GHITM: variants seen among roughly 807,000 people sequenced by gnomAD.
GHITM encodes growth hormone inducible transmembrane protein.
GHITM carries 24 observed loss-of-function variants against 38.7 expected under a neutral mutation model. That is an observed-to-expected ratio of 0.62 (90% CI 0.45 to 0.87). The LOEUF (loss-of-function observed/expected upper bound fraction) is 0.87, where lower values mean the gene tolerates loss of function less well. Among genes scored for constraint, GHITM ranks in the 40% least tolerant of loss-of-function variants. GHITM has a pLI of 0.00. For synonymous variants in GHITM, 154 were observed against 147.8 expected (o/e 1.04, Z -0.30); for missense variants, 420 against 429.8 (o/e 0.98, Z 0.20).
At chr10:84,145,867 G>C (rs1841552023) in intron 5 of GHITM, among the ~76,000 whole-genome samples, 1 of 152,132 alleles carries the variant, frequency 6.6e-6, no homozygotes, top group African/African-American at 2.4e-5. Flanking sequence ...TTTCATCAGG[G>C]TTGTTGAAGG....
chr10:84,140,792 C>A (rs1841498536), intron 1 of GHITM, among the ~76,000 whole-genome samples: 1 of 151,900 alleles, frequency 6.6e-6, no homozygotes, highest in South Asian at 2.1e-4. Context: ...TCGAGGGAGT[C>A]TAATGTAAGG....
intron 1 of GHITM, 22 bp from the exon 2 acceptor site, chr10:84,141,440 T>C: frequency 6.4e-7 from 1 of 1,559,996 alleles, no homozygotes; most frequent in East Asian, 2.3e-5. Flanking sequence ...TTTTGGTTGG[T>C]TTTGCCTTTT....
intron 3 of GHITM, 108 bp from the exon 4 acceptor site, chr10:84,143,887 T>G (rs757299840): frequency 2.4e-6 from 2 of 824,236 alleles, no homozygotes; most frequent in East Asian, 2.4e-5. Flanking sequence ...ATGCACTGAT[T>G]ATGGCTTCTA....
chr10:84,148,589 C>G lies in GHITM; in HGVS notation c.484-141C>G, dbSNP rs529688694. ...GGGATTGCAGGCGTGAGCCACCACG[C>G]CTGGCCTTAAGCTTTGATTTATTAT... On this transcript the variant is annotated intron_variant, in intron 5 of 8. Transcript: ENST00000372134. The G allele has an allele frequency of 8.2e-6, 5 of 606,254 alleles. No homozygotes were observed. In the South Asian group the frequency reaches 9.3e-5, roughly 11 times the overall value. 37.6% of individuals were successfully genotyped at this position (606,254 alleles called of 1,614,324 possible). A position where few individuals can be genotyped will look rare whatever the true frequency, so the allele number is the denominator to read the frequency against.
rs767632396 is a variant in GHITM, at chr10:84,144,863, T to C, written c.342-12T>C. On this transcript the variant is annotated splice_polypyrimidine_tract_variant and intron_variant, in intron 4 of 8. Transcript: ENST00000372134. ...GTAATTTCATAGATTAATCATGTCA[T>C]GTTTCTTACAGAATTTGGCCTCAGT... is the stretch of plus-strand genomic sequence containing the variant. The C allele has an allele frequency of 1.9e-6, 3 of 1,549,678 alleles. No homozygotes were observed. The highest frequency in any genetic ancestry group is 1.4e-5 in the African/African-American group (1 of 73,010).
At chr10:84,142,068 T>A (rs1841512275) in intron 2 of GHITM, among the ~76,000 whole-genome samples, 1 of 152,232 alleles carries the variant, frequency 6.6e-6, no homozygotes, top group Non-Finnish European at 1.5e-5. Context: ...TATAATAGAT[T>A]TATCTTCTGG....
At position 84,151,688 on chromosome 10, in the gene GHITM, GT is replaced by G. The variant is rs550744489; in HGVS notation, c.954-569del. Among the ~76,000 whole-genome samples the G allele has an allele frequency of 2.2e-3, 331 of 151,948 alleles. 1 individual carries two copies. Among genetic ancestry groups the G allele is most frequent in the African/African-American group, 4.0e-3 (164 of 41,464 alleles). On this transcript the variant is annotated intron_variant, in intron 8 of 8. Coordinates refer to ENST00000372134, the MANE Select transcript of GHITM (RefSeq NM_014394.3). ...TTTAGTTGGTATTAATTGTTATTAT[GT>G]TTTTTTCTTTTTTCTTGGAGTCGAC...
chr10:84,152,037 A>G (rs1353533277), intron 8 of GHITM, among the ~76,000 whole-genome samples: 1 of 152,212 alleles, frequency 6.6e-6, no homozygotes, highest in East Asian at 1.9e-4. Context: ...GAATAAAATA[A>G]TGATTTTTTT....
chr10:84,152,423 T>A lies in GHITM; in HGVS notation c.*75T>A. 5 of 739,176 alleles carry A rather than the reference T, an allele frequency of 6.8e-6. No homozygotes were observed. The highest frequency in any genetic ancestry group is 1.1e-5 in the Non-Finnish European group (5 of 435,648). 45.8% of individuals were successfully genotyped at this position (739,176 alleles called of 1,614,324 possible). A position where few individuals can be genotyped will look rare whatever the true frequency, so the allele number is the denominator to read the frequency against. ...GGGCAGATATGCATTAAATAGTTTGTACAAGCAGCTTTCGTTGAAGTTTAG... is the reference window on the plus strand; with the variant it reads ...GGGCAGATATGCATTAAATAGTTTGAACAAGCAGCTTTCGTTGAAGTTTAG... On this transcript the variant is annotated 3_prime_UTR_variant, in exon 9 of 9. Transcript: ENST00000372134.
intron 5 of GHITM, among the ~76,000 whole-genome samples, chr10:84,145,726 C>T (rs532069498): frequency 8.5e-5 from 13 of 152,288 alleles, no homozygotes; most frequent in African/African-American, 2.9e-4. Flanking sequence ...AATATGTGTC[C>T]CCTATTCTCC....
intron 7 of GHITM, 114 bp from the exon 8 acceptor site, chr10:84,150,595 C>T (rs1231129912): frequency 8.1e-6 from 6 of 736,290 alleles, no homozygotes; most frequent in Non-Finnish European, 1.3e-5. Flanking sequence ...ACCCAGATGT[C>T]GTCTTACCTA....
Position 84,153,127 on chromosome 10 carries a change from A to G in GHITM, c.*779A>G, listed in dbSNP as rs1841627663. On this transcript the variant is annotated 3_prime_UTR_variant, in exon 9 of 9. Coordinates refer to ENST00000372134, the MANE Select transcript of GHITM (RefSeq NM_014394.3). ...AACTATTCTCAAGAGAAAATATTCAAAGCATGAAATATGTTGCTTTTTCCA... is the reference window on the plus strand; with the variant it reads ...AACTATTCTCAAGAGAAAATATTCAGAGCATGAAATATGTTGCTTTTTCCA... The G allele has an allele frequency of 6.6e-6, 1 of 152,248 alleles. No homozygotes were observed. The highest frequency in any genetic ancestry group is 2.4e-5 in the African/African-American group (1 of 41,474). 9.4% of individuals were successfully genotyped at this position (152,248 alleles called of 1,614,324 possible). A position where few individuals can be genotyped will look rare whatever the true frequency, so the allele number is the denominator to read the frequency against.
At chr10:84,146,444 ACT>A (rs1357072236) in intron 5 of GHITM, among the ~76,000 whole-genome samples, 1 of 152,194 alleles carries the variant, frequency 6.6e-6, no homozygotes, top group Non-Finnish European at 1.5e-5. Context: ...TTCATGTAAC[ACT>A]GATTCCCCAC....
chr10:84,152,924 G>T lies in GHITM; in HGVS notation c.*576G>T, dbSNP rs1816298719. On this transcript the variant is annotated 3_prime_UTR_variant, in exon 9 of 9. Coordinates refer to ENST00000372134, the MANE Select transcript of GHITM (RefSeq NM_014394.3). Reference sequence around the variant, plus strand: ...TTCATCTGCTGAACTTAACAAAACTGTTCATCCTGAAACAGGCACAGGTGA... The same window carrying T: ...TTCATCTGCTGAACTTAACAAAACTTTTCATCCTGAAACAGGCACAGGTGA... 6.6e-6 allele frequency: 1 copy of T among 152,194 alleles called. No homozygotes were observed. Among genetic ancestry groups the T allele is most frequent in the African/African-American group, 2.4e-5 (1 of 41,444 alleles). The allele number at this position is 152,194 out of a possible 1,614,324, so 9.4% of individuals were successfully genotyped here.
chr10:84,149,198 C>T lies in GHITM; in HGVS notation c.592+360C>T, dbSNP rs1664981777. On this transcript the variant is annotated intron_variant, in intron 6 of 8. Coordinates refer to ENST00000372134, the MANE Select transcript of GHITM (RefSeq NM_014394.3). ...AAAACTGAGGATAGAGAAAGTTGTG[C>T]TAAAAATGTTGCTGCGAAATAACAA... is the stretch of plus-strand genomic sequence containing the variant. 2.6e-5 allele frequency among the ~76,000 whole-genome samples: 4 copies of T among 152,150 alleles called. No individual in the cohort carries two copies. The South Asian group carries it at 8.3e-4, about 31-fold the overall frequency.
intron 1 of GHITM, 65 bp downstream of exon 1, chr10:84,139,658 G>A (rs1322256392): frequency 1.3e-5 from 2 of 152,484 alleles, no homozygotes; most frequent in East Asian, 3.9e-4. Context: ...GCCCTCACGG[G>A]ACCGCTGGGT....
chr10:84,151,824 G>A (rs966369014), intron 8 of GHITM, among the ~76,000 whole-genome samples: 30 of 152,206 alleles, frequency 2.0e-4, no homozygotes, highest in African/African-American at 7.0e-4. Flanking sequence ...TAATGGTTTA[G>A]GGGGAAGAAA....
At chr10:84,142,227 G>A (rs1187355115) in intron 2 of GHITM, among the ~76,000 whole-genome samples, 1 of 152,160 alleles carries the variant, frequency 6.6e-6, no homozygotes, top group Non-Finnish European at 1.5e-5. Context: ...TCATGTTAAG[G>A]AAAGATGCTG....
chr10:84,150,114 G>A lies in GHITM; in HGVS notation c.652G>A (p.Ala218Thr), dbSNP rs1463594054. The A allele has an allele frequency of 6.2e-7, 1 of 1,613,638 alleles. No individual in the cohort carries two copies. Among genetic ancestry groups the A allele is most frequent in the African/African-American group, 1.3e-5 (1 of 74,898 alleles). The change falls in exon 7 of 9, where the codon GCT becomes ACT. Residue 218 changes from alanine (A) to threonine (T), a missense_variant. Ala to Thr is a moderately conservative substitution (Grantham distance 58, BLOSUM62 0). Transcript: ENST00000372134. ...TILGGPLLIR[A>T]AWYTAGIVGG... ...ATTAGGGGGTCCTCTTCTCATCAGA[G>A]CTGCATGGTACACAGCTGGCATTGT... is the stretch of plus-strand genomic sequence containing the variant.
Sources: allele counts gnomAD v4.1 joint callset (sites outside exome capture counted in the v4.1 genomes callset), GRCh38; gene constraint gnomAD v4.1.1; transcripts MANE v1.5; gene names NCBI Gene and HGNC (gene_info 2026-07-23, HGNC 2026-07-21).